The following PLEKHA2 variants were observed in gnomAD, a reference collection of about 807,000 sequenced individuals.
The protein encoded by PLEKHA2 is pleckstrin homology domain-containing family A member 2.
Under a neutral mutation model 53.2 loss-of-function variants are expected in PLEKHA2, and 28 were observed. The observed-to-expected ratio is 0.53, with a 90% CI of 0.39 to 0.72. The LOEUF is 0.72. Among genes scored for constraint, PLEKHA2 ranks in the 30% least tolerant of loss-of-function variants. The probability of loss-of-function intolerance (pLI) is 0.00; values close to 1 mark genes in which losing one functional copy is unlikely to be tolerated. For synonymous variants in PLEKHA2, 193 were observed against 196.4 expected (o/e 0.98, Z 0.14); for missense variants, 426 against 537.9 (o/e 0.79, Z 2.06).
At chr8:38,918,549 AC>A (rs1834113303) in intron 2 of PLEKHA2, among the ~76,000 whole-genome samples, 1 of 143,490 alleles carries the variant, frequency 7.0e-6, no homozygotes. Flanking sequence ...ATATACACAC[AC>A]CACACACACA....
intron 3 of PLEKHA2, among the ~76,000 whole-genome samples, chr8:38,941,825 T>G (rs906211365): frequency 6.6e-6 from 1 of 152,038 alleles, no homozygotes; most frequent in Non-Finnish European, 1.5e-5. Flanking sequence ...GAAATGGAGG[T>G]CATTCAGTTG....
intron 1 of PLEKHA2, among the ~76,000 whole-genome samples, chr8:38,902,330 G>A (rs1258823066): frequency 2.0e-5 from 3 of 152,062 alleles, no homozygotes; most frequent in Non-Finnish European, 4.4e-5. Context: ...TCTCCTCCCC[G>A]GGGCCAGCCC....
rs938005376 is a variant in PLEKHA2 at position 38,956,436 on chromosome 8, G to A, written c.774-887G>A. On this transcript the variant is annotated intron_variant, in intron 9 of 11. Coordinates refer to ENST00000617275, the MANE Select transcript of PLEKHA2 (RefSeq NM_021623.2). ...GTGAGGTTGATGGGGCTGCTGTGAG[G>A]GTGGAGGAGACGGTTTAGGGAGCGG... 2.5e-4 allele frequency among the ~76,000 whole-genome samples: 38 copies of A among 152,162 alleles called. 1 individual carries two copies. Among genetic ancestry groups the A allele is most frequent in the Admixed American group, 2.5e-3 (38 of 15,260 alleles).
chr8:38,944,353 A>G (rs996597989), intron 4 of PLEKHA2, among the ~76,000 whole-genome samples: 4 of 151,978 alleles, frequency 2.6e-5, no homozygotes, highest in Non-Finnish European at 5.9e-5. Context: ...CATCTCTACT[A>G]AAAATACAAA....
intron 1 of PLEKHA2, among the ~76,000 whole-genome samples, chr8:38,916,085 C>T (rs957787460): frequency 3.4e-4 from 52 of 152,168 alleles, no homozygotes; most frequent in African/African-American, 1.3e-3. Context: ...AAGCGATTCT[C>T]CTACCTCAGC....
intron 2 of PLEKHA2, among the ~76,000 whole-genome samples, chr8:38,918,315 A>G (rs940842724): frequency 3.3e-5 from 5 of 150,352 alleles, no homozygotes; most frequent in African/African-American, 1.2e-4. Flanking sequence ...CACACACCAC[A>G]CACACACTGT....
Position 38,970,019 on chromosome 8 carries a change from T to C in PLEKHA2, c.*236T>C. 1.6e-6 allele frequency: 1 copy of C among 618,396 alleles called. No individual in the cohort carries two copies. The highest frequency in any genetic ancestry group is 2.8e-6 in the Non-Finnish European group (1 of 361,922). 38.3% of individuals were successfully genotyped at this position (618,396 alleles called of 1,614,324 possible). A position where few individuals can be genotyped will look rare whatever the true frequency, so the allele number is the denominator to read the frequency against. Reference sequence around the variant, plus strand: ...TATTTAATTTGGGGAAGTCACTAGGTTAGAACTGTAGGCATACTCAGTGGA... The same window carrying C: ...TATTTAATTTGGGGAAGTCACTAGGCTAGAACTGTAGGCATACTCAGTGGA... On this transcript the variant is annotated 3_prime_UTR_variant, in exon 12 of 12. Transcript: ENST00000617275.
rs113811709 is a variant in PLEKHA2 at position 38,966,754 on chromosome 8, A to AT, written c.838-1831dup. On this transcript the variant is annotated intron_variant, in intron 10 of 11. Coordinates refer to ENST00000617275, the MANE Select transcript of PLEKHA2 (RefSeq NM_021623.2). ...TGCTGCGAGTCCCACAACTCTTTAA[A>AT]TTTTTTTAAAAGTTTTATTCACAAT... Among the ~76,000 whole-genome samples, 174 of 151,930 alleles carry AT rather than the reference A, an allele frequency of 1.1e-3. 3 individuals carry two copies. Among genetic ancestry groups the AT allele is most frequent in the African/African-American group, 4.1e-3 (171 of 41,400 alleles).
At chr8:38,907,206 A>G (rs117904677) in intron 1 of PLEKHA2, among the ~76,000 whole-genome samples, 7,588 of 152,314 alleles carry the variant, frequency 0.05, 284 homozygotes, top group Non-Finnish European at 0.077. Flanking sequence ...TGTGAAAGAA[A>G]CATCTCTAAA....
intron 10 of PLEKHA2, among the ~76,000 whole-genome samples, chr8:38,965,052 T>G (rs115281020): frequency 7.5e-4 from 114 of 152,182 alleles, no homozygotes; most frequent in African/African-American, 2.6e-3. Context: ...ACATTTATTA[T>G]CTATATTGTC....
At chr8:38,964,795 T>C (rs62504410) in intron 10 of PLEKHA2, among the ~76,000 whole-genome samples, 25,718 of 151,366 alleles carry the variant, frequency 0.17, 2,306 homozygotes, top group South Asian at 0.28. Flanking sequence ...TCAATTGTTA[T>C]TTTAGAATTT....
chr8:38,928,363 C>T (rs529725476), intron 2 of PLEKHA2, among the ~76,000 whole-genome samples: 3 of 151,178 alleles, frequency 2.0e-5, no homozygotes, highest in Admixed American at 6.6e-5. Flanking sequence ...ATTCTCCTAC[C>T]GCAGCCTCCC....
intron 11 of PLEKHA2, 23 bp downstream of exon 11, chr8:38,968,692 C>A: frequency 6.2e-7 from 1 of 1,611,938 alleles, no homozygotes. Context: ...CTTTCTGTTG[C>A]ACAGTGTCAA....
At chr8:38,924,466 G>A (rs1834248313) in intron 2 of PLEKHA2, among the ~76,000 whole-genome samples, 1 of 152,214 alleles carries the variant, frequency 6.6e-6, no homozygotes, top group South Asian at 2.1e-4. Flanking sequence ...GGCCAGACAA[G>A]GGTGTGAACT....
intron 3 of PLEKHA2, among the ~76,000 whole-genome samples, chr8:38,940,650 C>CGGGG (rs5891049): frequency 3.5e-5 from 2 of 56,938 alleles, no homozygotes; most frequent in African/African-American, 8.2e-5. Context: ...ATTGAAGGGG[C>CGGGG]GGGGGGGGGG....
At chr8:38,928,824 C>T (rs560882672) in intron 2 of PLEKHA2, among the ~76,000 whole-genome samples, 8 of 152,228 alleles carry the variant, frequency 5.3e-5, no homozygotes, top group Admixed American at 2.0e-4. Context: ...CGTGTGTCCC[C>T]GCGTTAGCAT....
At chr8:38,908,752 T>C (rs1379532109) in intron 1 of PLEKHA2, among the ~76,000 whole-genome samples, 1 of 152,238 alleles carries the variant, frequency 6.6e-6, no homozygotes, top group East Asian at 1.9e-4. Flanking sequence ...AAACTTATGA[T>C]GTGGTGAGTT....
rs1358414254 is a variant in PLEKHA2 at position 38,911,390 on chromosome 8, C to T, written c.-23-6517C>T. Among the ~76,000 whole-genome samples the T allele has an allele frequency of 5.3e-5, 8 of 152,108 alleles. No individual in the cohort carries two copies. The East Asian group carries it at 1.5e-3, about 29-fold the overall frequency. On this transcript the variant is annotated intron_variant, in intron 1 of 11. Coordinates refer to ENST00000617275, the MANE Select transcript of PLEKHA2 (RefSeq NM_021623.2). Reference sequence around the variant, plus strand: ...TAGCTGGGATTATAGGTGCGCACCACCATGCCTGGCTAATTTTTGTATTTT... The same window carrying T: ...TAGCTGGGATTATAGGTGCGCACCATCATGCCTGGCTAATTTTTGTATTTT...
chr8:38,958,885 C>A (rs12541060), intron 10 of PLEKHA2, among the ~76,000 whole-genome samples: 71,867 of 151,920 alleles, frequency 0.47, 17,517 homozygotes, highest in East Asian at 0.79. Context: ...GGCAGTTAAA[C>A]TGTGGCATGG....
Sources: allele counts gnomAD v4.1 joint callset (sites outside exome capture counted in the v4.1 genomes callset), GRCh38; gene constraint gnomAD v4.1.1; transcripts MANE v1.5; gene names NCBI Gene and HGNC (gene_info 2026-07-23, HGNC 2026-07-21).